Variants in KCNAB1 observed in about 807,000 individuals in gnomAD.
KCNAB1 encodes potassium voltage-gated channel subfamily A regulatory beta subunit 1.
In KCNAB1, 35 loss-of-function variants were observed where a neutral mutation model predicts 64.6. The ratio of observed to expected loss-of-function variants is 0.54; its 90% confidence interval spans 0.41 to 0.72. The LOEUF (loss-of-function observed/expected upper bound fraction) is 0.72. KCNAB1 is among the 30% of genes least tolerant of loss of function. The pLI, the probability that KCNAB1 is intolerant of heterozygous loss-of-function variation, is 0.00. For missense variants in KCNAB1, 401 were observed against 512.9 expected (o/e 0.78, Z 2.11); for synonymous variants, 177 against 183.8 (o/e 0.96, Z 0.30).
intron 13 of KCNAB1, among the ~76,000 whole-genome samples, chr3:156,533,144 T>C (rs1299339720): frequency 6.6e-6 from 1 of 152,176 alleles, no homozygotes; most frequent in African/African-American, 2.4e-5. Flanking sequence ...GACAGATAAA[T>C]AGCAAAATGA....
chr3:156,125,355 C>T (rs907954264), intron 1 of KCNAB1, among the ~76,000 whole-genome samples: 8 of 152,108 alleles, frequency 5.3e-5, no homozygotes, highest in African/African-American at 1.2e-4. Context: ...CTGAGCATCC[C>T]GCTGTGCTCA....
chr3:156,431,905 G>C (rs1372168738), intron 2 of KCNAB1, among the ~76,000 whole-genome samples: 1 of 152,106 alleles, frequency 6.6e-6, no homozygotes, highest in African/African-American at 2.4e-5. Flanking sequence ...ACATCCCATT[G>C]GCTCTGGTTG....
chr3:156,140,980 T>G (rs1031987529), intron 1 of KCNAB1, among the ~76,000 whole-genome samples: 10 of 151,976 alleles, frequency 6.6e-5, no homozygotes, highest in Non-Finnish European at 1.3e-4. Context: ...ATGAACAGTT[T>G]ATGTCCAGGA....
intron 1 of KCNAB1, among the ~76,000 whole-genome samples, chr3:156,373,443 G>C (rs928221206): frequency 6.6e-6 from 1 of 152,144 alleles, no homozygotes; most frequent in East Asian, 1.9e-4. Context: ...GAAGAGTCAA[G>C]GCCTCTCAGG....
chr3:156,509,615 T>C (rs1473063819), intron 8 of KCNAB1, among the ~76,000 whole-genome samples: 3 of 152,154 alleles, frequency 2.0e-5, no homozygotes, highest in Admixed American at 6.6e-5. Flanking sequence ...GTTTCTAATA[T>C]GTAGTCGGAG....
intron 1 of KCNAB1, among the ~76,000 whole-genome samples, chr3:156,192,600 G>A (rs1337145715): frequency 6.6e-6 from 1 of 152,066 alleles, no homozygotes. Context: ...TTCTCCAAAT[G>A]TGATGATAAA....
intron 1 of KCNAB1, among the ~76,000 whole-genome samples, chr3:156,124,302 C>T (rs1395824441): frequency 6.6e-5 from 10 of 151,514 alleles, no homozygotes; most frequent in Non-Finnish European, 1.2e-4. Flanking sequence ...CTGCAACCTC[C>T]GCCTCCTGGG....
chr3:156,390,684 G>A (rs533889896), intron 1 of KCNAB1, among the ~76,000 whole-genome samples: 19 of 152,128 alleles, frequency 1.2e-4, no homozygotes, highest in Admixed American at 7.9e-4. Flanking sequence ...CTGGGTTCAC[G>A]CCATTCTCCT....
chr3:156,434,755 G>A (rs895766751), intron 2 of KCNAB1, among the ~76,000 whole-genome samples: 1 of 152,292 alleles, frequency 6.6e-6, no homozygotes, highest in Admixed American at 6.5e-5. Flanking sequence ...GCAAAGAAAA[G>A]ACAGTAATGA....
intron 1 of KCNAB1, among the ~76,000 whole-genome samples, chr3:156,164,359 C>T (rs772244230): frequency 4.6e-5 from 7 of 152,238 alleles, no homozygotes; most frequent in Non-Finnish European, 7.4e-5. Context: ...CCAATGAGGC[C>T]GCTCTCTTGA....
At chr3:156,294,932 G>C (rs1282127309) in intron 1 of KCNAB1, among the ~76,000 whole-genome samples, 1 of 152,160 alleles carries the variant, frequency 6.6e-6, no homozygotes, top group Admixed American at 6.5e-5. Flanking sequence ...TACTCATTTA[G>C]TCAGCATAGT....
intron 1 of KCNAB1, among the ~76,000 whole-genome samples, chr3:156,149,962 A>G (rs1021715305): frequency 6.6e-6 from 1 of 152,218 alleles, no homozygotes; most frequent in Non-Finnish European, 1.5e-5. Context: ...GTGAAAATCA[A>G]TAGCCTAGAA....
At chr3:156,414,374 C>A (rs1714906218) in intron 1 of KCNAB1, among the ~76,000 whole-genome samples, 1 of 152,152 alleles carries the variant, frequency 6.6e-6, no homozygotes, top group Admixed American at 6.6e-5. Flanking sequence ...AAAACCAAAT[C>A]TGTGATCTAG....
chr3:156,513,128 C>T (rs931819663), intron 8 of KCNAB1, among the ~76,000 whole-genome samples: 4 of 152,138 alleles, frequency 2.6e-5, no homozygotes, highest in African/African-American at 2.4e-5. Flanking sequence ...AGGAGAATGG[C>T]ATGAACCCGG....
chr3:156,348,338 GCA>G (rs1396994148), intron 1 of KCNAB1, among the ~76,000 whole-genome samples: 1 of 152,198 alleles, frequency 6.6e-6, no homozygotes, highest in African/African-American at 2.4e-5. Context: ...AGGGTCTATT[GCA>G]GCATTAAGGC....
At chr3:156,433,247 C>A (rs1009646212) in intron 2 of KCNAB1, among the ~76,000 whole-genome samples, 1 of 152,194 alleles carries the variant, frequency 6.6e-6, no homozygotes, top group African/African-American at 2.4e-5. Flanking sequence ...GGACACCCTG[C>A]ATTTTTTACT....
intron 2 of KCNAB1, among the ~76,000 whole-genome samples, chr3:156,427,859 C>G (rs1052642022): frequency 1.1e-4 from 16 of 152,326 alleles, no homozygotes; most frequent in Admixed American, 5.9e-4. Context: ...AAAGGAGCAT[C>G]TGCCCACACT....
chr3:156,183,055 A>G lies in KCNAB1; in HGVS notation c.275+62169A>G, dbSNP rs140297239. Among the ~76,000 whole-genome samples, 390 of 152,224 alleles carry G rather than the reference A, an allele frequency of 2.6e-3. 3 individuals carry two copies. The highest frequency in any genetic ancestry group is 8.7e-3 in the African/African-American group (360 of 41,526). ...TAGCCTTTAATATATTTTTTACCAT[A>G]CAATAATTGATTTAAAGAGTACTTC... On this transcript the variant is annotated intron_variant, in intron 1 of 13. Transcript: ENST00000490337.
At chr3:156,230,912 TC>T (rs758345805) in intron 1 of KCNAB1, among the ~76,000 whole-genome samples, 23 of 152,228 alleles carry the variant, frequency 1.5e-4, no homozygotes, top group Non-Finnish European at 3.2e-4. Flanking sequence ...AGTCAACACA[TC>T]CTGAGGATCT....
Sources: gnomAD v4.1 joint callset for allele counts (sites outside exome capture counted in the v4.1 genomes callset) on GRCh38, gnomAD v4.1.1 for gene constraint, MANE v1.5 for transcripts, NCBI Gene and HGNC (gene_info 2026-07-23, HGNC 2026-07-21) for gene names.